CSMD3: variants seen among roughly 807,000 people sequenced by gnomAD.
CSMD3 encodes CUB and Sushi multiple domains 3.
In CSMD3, 177 loss-of-function variants were observed where a neutral mutation model predicts 435.2. That is an observed-to-expected ratio of 0.41 (90% CI 0.36 to 0.46). The LOEUF (loss-of-function observed/expected upper bound fraction) is 0.46. Among genes scored for constraint, CSMD3 ranks in the 20% least tolerant of loss-of-function variants. The pLI is 0.34. For missense variants in CSMD3, 4,265 were observed against 4,504.6 expected (o/e 0.95, Z 1.52); for synonymous variants, 1,656 against 1,520.5 (o/e 1.09, Z -2.07).
intron 2 of CSMD3, among the ~76,000 whole-genome samples, chr8:113,294,509 G>A (rs1329373439): frequency 6.6e-6 from 1 of 152,070 alleles, no homozygotes; most frequent in Non-Finnish European, 1.5e-5. Context: ...CTTTCTTTTT[G>A]CTGTTCTGCG....
At chr8:113,377,387 A>G (rs1348170628) in intron 1 of CSMD3, among the ~76,000 whole-genome samples, 1 of 152,238 alleles carries the variant, frequency 6.6e-6, no homozygotes, top group East Asian at 1.9e-4. Context: ...CAGTTGTAAA[A>G]TAATATCTGA....
intron 5 of CSMD3, among the ~76,000 whole-genome samples, chr8:113,069,619 G>C (rs1018100531): frequency 1.3e-5 from 2 of 152,048 alleles, no homozygotes; most frequent in Non-Finnish European, 2.9e-5. Context: ...TAATGGGATG[G>C]TATAATTGCT....
At chr8:113,119,380 A>G (rs2090923085) in intron 4 of CSMD3, among the ~76,000 whole-genome samples, 2 of 152,162 alleles carry the variant, frequency 1.3e-5, no homozygotes, top group Admixed American at 1.3e-4. Context: ...TAGGAGAGAA[A>G]ATTGAGTCAC....
chr8:112,307,675 A>G (rs190962805), intron 50 of CSMD3, among the ~76,000 whole-genome samples: 1 of 152,286 alleles, frequency 6.6e-6, no homozygotes, highest in Admixed American at 6.5e-5. Context: ...GTCATTCCAG[A>G]ACCAACTGGA....
chr8:112,911,641 A>ATGTG (rs10609412), intron 10 of CSMD3, among the ~76,000 whole-genome samples: 21 of 147,058 alleles, frequency 1.4e-4, no homozygotes, highest in South Asian at 4.3e-4. Flanking sequence ...GTACATATAT[A>ATGTG]TGTGTGTGTG....
chr8:112,348,500 A>G (rs1422159382), intron 40 of CSMD3, among the ~76,000 whole-genome samples: 1 of 152,182 alleles, frequency 6.6e-6, no homozygotes, highest in African/African-American at 2.4e-5. Context: ...GTTTCTCCTT[A>G]CAATATTGCT....
intron 13 of CSMD3, among the ~76,000 whole-genome samples, chr8:112,784,983 G>A (rs995343996): frequency 6.6e-6 from 1 of 151,864 alleles, no homozygotes; most frequent in African/African-American, 2.4e-5. Context: ...AGGCCAATAT[G>A]TTTGATGAAC....
chr8:112,237,021 A>C (rs1813651836), intron 67 of CSMD3, among the ~76,000 whole-genome samples, 169 bp downstream of exon 67: 1 of 152,180 alleles, frequency 6.6e-6, no homozygotes, highest in African/African-American at 2.4e-5. Context: ...ATATTCATTC[A>C]TCAATCCAAA....
At chr8:112,403,019 C>T (rs952054538) in intron 35 of CSMD3, among the ~76,000 whole-genome samples, 1 of 152,128 alleles carries the variant, frequency 6.6e-6, no homozygotes, top group Non-Finnish European at 1.5e-5. Flanking sequence ...GGGAGGATCT[C>T]TCTGCCATAT....
At chr8:112,307,512 G>C (rs1403476798) in intron 50 of CSMD3, among the ~76,000 whole-genome samples, 1 of 152,010 alleles carries the variant, frequency 6.6e-6, no homozygotes, top group Non-Finnish European at 1.5e-5. Flanking sequence ...CAAACTCCTA[G>C]GCTCAAGCAG....
chr8:113,268,743 A>G (rs2093493434), intron 3 of CSMD3, among the ~76,000 whole-genome samples: 1 of 152,108 alleles, frequency 6.6e-6, no homozygotes, highest in East Asian at 1.9e-4. Flanking sequence ...ACTTTAATTA[A>G]TTGTTTATTC....
intron 45 of CSMD3, among the ~76,000 whole-genome samples, chr8:112,334,062 TA>T (rs1398710903): frequency 6.6e-6 from 1 of 151,842 alleles, no homozygotes; most frequent in Non-Finnish European, 1.5e-5. Context: ...ATTATTTTTT[TA>T]AAAAAAACAG....
intron 13 of CSMD3, among the ~76,000 whole-genome samples, chr8:112,799,568 C>T (rs2078912551): frequency 6.6e-6 from 1 of 151,790 alleles, no homozygotes; most frequent in Admixed American, 6.6e-5. Flanking sequence ...AATCAAGGTC[C>T]AACATGTGTG....
At chr8:112,856,242 A>T (rs1340959622) in intron 11 of CSMD3, among the ~76,000 whole-genome samples, 5 of 151,930 alleles carry the variant, frequency 3.3e-5, no homozygotes, top group African/African-American at 9.7e-5. Flanking sequence ...AACATCAAAA[A>T]TGTATATTAG....
chr8:113,182,013 C>A (rs2092428111), intron 3 of CSMD3, among the ~76,000 whole-genome samples: 1 of 151,906 alleles, frequency 6.6e-6, no homozygotes, highest in African/African-American at 2.4e-5. Flanking sequence ...CTGAGAAATG[C>A]CACTGTATTT....
chr8:112,557,995 AGTAGT>A (rs1563700838), intron 24 of CSMD3, among the ~76,000 whole-genome samples: 1 of 151,874 alleles, frequency 6.6e-6, no homozygotes, highest in Non-Finnish European at 1.5e-5. Context: ...ATTAACTGCA[AGTAGT>A]GTTAGAATTG....
chr8:112,521,377 C>A, intron 27 of CSMD3, among the ~76,000 whole-genome samples: 1 of 151,894 alleles, frequency 6.6e-6, no homozygotes, highest in East Asian at 1.9e-4. Context: ...CTTTCAAAAA[C>A]CTTTCAGCAA....
At chr8:113,306,632 G>A (rs1247193739) in intron 2 of CSMD3, among the ~76,000 whole-genome samples, 1 of 152,116 alleles carries the variant, frequency 6.6e-6, no homozygotes, top group African/African-American at 2.4e-5. Context: ...GTGAGTATTA[G>A]GAAGTTCTAT....
At chr8:112,392,864 CTTTTTTTTTTT>C (rs56809581) in intron 35 of CSMD3, among the ~76,000 whole-genome samples, 1 of 122,168 alleles carries the variant, frequency 8.2e-6, no homozygotes, top group Non-Finnish European at 1.7e-5. Context: ...TCTTTTTTTT[CTTTTTTTTTTT>C]TTTTTTTTGA....
Sources: gnomAD v4.1 joint callset for allele counts (sites outside exome capture counted in the v4.1 genomes callset) on GRCh38, gnomAD v4.1.1 for gene constraint, MANE v1.5 for transcripts, NCBI Gene and HGNC (gene_info 2026-07-23, HGNC 2026-07-21) for gene names.